The following HERC2 variants were observed in gnomAD, a reference collection of about 807,000 sequenced individuals.
The protein encoded by HERC2 is HECT and RLD domain containing E3 ubiquitin protein ligase 2.
A neutral mutation model predicts 537.7 loss-of-function variants in HERC2; 102 were observed. The observed-to-expected ratio is 0.19, with a 90% CI of 0.16 to 0.22. The LOEUF (loss-of-function observed/expected upper bound fraction) is 0.22, where lower values mean the gene tolerates loss of function less well. Among genes scored for constraint, HERC2 ranks in the 10% least tolerant of loss-of-function variants. The probability of loss-of-function intolerance (pLI) is 1.00; values close to 1 mark genes in which losing one functional copy is unlikely to be tolerated. For synonymous variants in HERC2, 2,224 were observed against 2,466.2 expected, an observed-to-expected ratio of 0.90 and a Z score of 2.91; for missense variants, 4,236 against 6,198.2, an observed-to-expected ratio of 0.68 and a Z score of 10.63.
At chr15:28,170,795 T>C (rs1159681681) in intron 65 of HERC2, among the ~76,000 whole-genome samples, 2 of 149,370 alleles carry the variant, frequency 1.3e-5, no homozygotes, top group South Asian at 4.2e-4. Context: ...ATGAACTCTC[T>C]AAACTCAACA....
At chr15:28,307,158 C>T (rs564774653) in intron 2 of HERC2, among the ~76,000 whole-genome samples, 32 of 152,272 alleles carry the variant, frequency 2.1e-4, no homozygotes, top group East Asian at 7.7e-4. Context: ...ATTTCTTCCA[C>T]GTTTCCCAAT....
At chr15:28,255,531 G>A (rs905542334) in intron 19 of HERC2, among the ~76,000 whole-genome samples, 12 of 152,224 alleles carry the variant, frequency 7.9e-5, no homozygotes, top group South Asian at 4.1e-4. Flanking sequence ...ATATTGCTGC[G>A]ACACTCAGAG....
chr15:28,190,695 T>A (rs1459565414), intron 55 of HERC2: 10 of 504,550 alleles, frequency 2.0e-5, no homozygotes, highest in East Asian at 2.0e-4. Flanking sequence ...AAATGCCTGA[T>A]GAAAACTTTT....
At chr15:28,181,161 T>C (rs999462122) in intron 57 of HERC2, among the ~76,000 whole-genome samples, 1 of 152,208 alleles carries the variant, frequency 6.6e-6, no homozygotes, top group Non-Finnish European at 1.5e-5. Flanking sequence ...GCCCTTTGTC[T>C]AAAAAACCTT....
At chr15:28,292,852 T>C in intron 4 of HERC2, 36 bp downstream of exon 4, 1 of 1,597,998 alleles carries the variant, frequency 6.3e-7, no homozygotes, top group Non-Finnish European at 8.5e-7. Flanking sequence ...GAGCGTCAGA[T>C]CAACCTTTCC....
At chr15:28,288,323 C>T (rs551393196) in intron 4 of HERC2, among the ~76,000 whole-genome samples, 14 of 151,554 alleles carry the variant, frequency 9.2e-5, no homozygotes, top group South Asian at 8.4e-4. Context: ...GTCAGGAGTT[C>T]GAAACCAGCC....
At position 28,228,342 on chromosome 15, in the gene HERC2, G is replaced by A. The variant is rs1316950669; in HGVS notation, c.5340C>T (p.Ile1780=). 1 of 1,612,242 alleles carries A rather than the reference G, an allele frequency of 6.2e-7. No individual in the cohort carries two copies. Among genetic ancestry groups the A allele is most frequent in the East Asian group, 2.2e-5 (1 of 44,882 alleles). ...ENPSGPSLGT[I]PQARFLLVML... Reference sequence around the variant, plus strand: ...TCACCAGGAGGAAGCGGGCTTGCGGGATGGTCCCCAGGCTCGGTCCTGACG... The same window carrying A: ...TCACCAGGAGGAAGCGGGCTTGCGGAATGGTCCCCAGGCTCGGTCCTGACG... Residue 1780 remains isoleucine (I), a synonymous_variant, in exon 35 of 93, where the codon ATC becomes ATT. Transcript: ENST00000261609.
rs765026019 is a variant in HERC2, at chr15:28,214,202, C to T, written c.6429G>A (p.Ala2143=). ...TGCGCAGCAGTGCCACCACCTCCTC[C>T]GCCAGTGTGCTGCTGTGGGTGGCAG... is the stretch of plus-strand genomic sequence containing the variant. ...SLTATHSSTL[A]EEVVALLRTL... The change falls in exon 41 of 93, where the codon GCG becomes GCA. Residue 2143 remains alanine (A), a synonymous_variant. Coordinates refer to ENST00000261609, the MANE Select transcript of HERC2 (RefSeq NM_004667.6). 10 of 1,612,268 alleles carry T rather than the reference C, an allele frequency of 6.2e-6. No homozygotes were observed. The highest frequency in any genetic ancestry group is 2.2e-5 in the East Asian group (1 of 44,890).
chr15:28,158,453 GTTC>G (rs1366050685), intron 69 of HERC2, among the ~76,000 whole-genome samples: 6 of 152,168 alleles, frequency 3.9e-5, no homozygotes, highest in Admixed American at 1.3e-4. Flanking sequence ...AGGATAGTTA[GTTC>G]TTCTTATTGA....
At chr15:28,204,799 C>G (rs1287524178) in intron 45 of HERC2, among the ~76,000 whole-genome samples, 2 of 152,060 alleles carry the variant, frequency 1.3e-5, no homozygotes, top group Non-Finnish European at 2.9e-5. Context: ...ACCTTTCAAA[C>G]AGATCAAGAC....
Position 28,248,600 on chromosome 15 carries a change from T to C in HERC2, c.3187A>G (p.Ser1063Gly), listed in dbSNP as rs1279690321. The change falls in exon 21 of 93, where the codon AGT (serine) becomes GGT (glycine). Residue 1063 changes from serine to glycine, a missense_variant. Physicochemically the swap from Ser to Gly is moderately conservative, Grantham distance 56. This residue lies in a region of HERC2 where 754 missense variants were observed against 1,085.0 expected (regional missense o/e 0.69). Transcript: ENST00000261609. Reference protein sequence around the residue: ...LLLRFQRLLISKLYPGESIGQ... With the variant: ...LLLRFQRLLIGKLYPGESIGQ... The stretch of plus-strand genomic sequence containing the variant: ...ATACTTTCTCCTGGATAAAGTTTAC[T>C]AATAAGCAAACGTTGAAAACGCAGT... The C allele has an allele frequency of 1.9e-6, 3 of 1,614,110 alleles. No individual in the cohort carries two copies. Among genetic ancestry groups the C allele is most frequent in the Non-Finnish European group, 2.5e-6 (3 of 1,179,940 alleles).
intron 12 of HERC2, among the ~76,000 whole-genome samples, chr15:28,267,145 G>T (rs1042355845): frequency 3.9e-5 from 6 of 152,070 alleles, no homozygotes; most frequent in Non-Finnish European, 8.8e-5. Context: ...CAGAAGCCAG[G>T]CCTCTCCTTT....
chr15:28,236,873 C>G lies in HERC2; in HGVS notation c.4003+90G>C, dbSNP rs561162292. The G allele has an allele frequency of 1.1e-5, 11 of 1,026,950 alleles. No homozygotes were observed. The African/African-American group carries it at 1.1e-4, about 10-fold the overall frequency. 63.6% of individuals were successfully genotyped at this position (1,026,950 alleles called of 1,614,324 possible). A position where few individuals can be genotyped will look rare whatever the true frequency, so the allele number is the denominator to read the frequency against. ...AAACTGCTGGGATTACAGGCATGAACCACTGTGCCTGGCCCTCTCCCACTC... is the reference window on the plus strand; with the variant it reads ...AAACTGCTGGGATTACAGGCATGAAGCACTGTGCCTGGCCCTCTCCCACTC... On this transcript the variant is annotated intron_variant, in intron 26 of 92. Transcript: ENST00000261609.
intron 69 of HERC2, among the ~76,000 whole-genome samples, chr15:28,154,916 T>TC (rs991397116): frequency 5.9e-5 from 5 of 85,088 alleles, no homozygotes; most frequent in African/African-American, 2.5e-4. Context: ...CCCTCCCCCC[T>TC]CCCCCCACCC....
At chr15:28,207,101 G>A (rs1326658914) in intron 44 of HERC2, among the ~76,000 whole-genome samples, 2 of 151,410 alleles carry the variant, frequency 1.3e-5, no homozygotes, top group Non-Finnish European at 2.9e-5. Flanking sequence ...CTTAGAGCCA[G>A]CAAATGCTCC....
rs1204970441 is a variant in HERC2, at chr15:28,113,682, G to A, written c.13914-4C>T. On this transcript the variant is annotated splice_polypyrimidine_tract_variant and splice_region_variant and intron_variant, in intron 90 of 92. Transcript: ENST00000261609. This position sits in a 1 kb window ranked among gnomAD's most constrained non-coding sequence, Gnocchi z 7.0. ...CTGCTCATCAAATTCATGGAGTCTG[G>A]AAGAAAAAGCTCACTTTACACTTCT... is the stretch of plus-strand genomic sequence containing the variant. The A allele has an allele frequency of 6.2e-7, 1 of 1,612,478 alleles. No homozygotes were observed. Among genetic ancestry groups the A allele is most frequent in the East Asian group, 2.2e-5 (1 of 44,872 alleles).
chr15:28,300,982 G>A (rs1020217297), intron 2 of HERC2, among the ~76,000 whole-genome samples: 1 of 151,588 alleles, frequency 6.6e-6, no homozygotes, highest in African/African-American at 2.4e-5. Context: ...TAGAATCAAA[G>A]GCAATCTGAC....
intron 70 of HERC2, among the ~76,000 whole-genome samples, chr15:28,147,453 T>C (rs1360414425): frequency 7.1e-6 from 1 of 141,082 alleles, no homozygotes; most frequent in African/African-American, 2.6e-5. Context: ...ACAGGCTATA[T>C]ATTTTATTAT....
chr15:28,304,896 T>A (rs1167427371), intron 2 of HERC2, among the ~76,000 whole-genome samples: 2 of 129,196 alleles, frequency 1.5e-5, no homozygotes, highest in East Asian at 4.4e-4. Flanking sequence ...CCCCAGAGTG[T>A]GATATTCCCC....
Sources: gnomAD v4.1 joint callset for allele counts (sites outside exome capture counted in the v4.1 genomes callset) on GRCh38, gnomAD v4.1.1 for gene constraint, gnomAD v4.1.1 regional missense constraint, Gnocchi (gnomAD v3.1) non-coding constraint, MANE v1.5 for transcripts, NCBI Gene and HGNC (gene_info 2026-07-23, HGNC 2026-07-21) for gene names.